The following AK5 variants were observed in gnomAD, a reference collection of about 807,000 sequenced individuals.
The protein encoded by AK5 is adenylate kinase 5, also known as adenylate kinase isoenzyme 5.
In AK5, 27 loss-of-function variants were observed where a neutral mutation model predicts 69.5. That is an observed-to-expected ratio of 0.39 (90% confidence interval 0.29 to 0.54). The LOEUF (loss-of-function observed/expected upper bound fraction) is 0.54, where lower values mean the gene tolerates loss of function less well. AK5 is among the 20% of genes least tolerant of loss of function. The pLI is 0.71. For missense variants in AK5, 531 were observed against 700.4 expected (o/e 0.76, Z 2.73); for synonymous variants, 260 against 244.4 (o/e 1.06, Z -0.60).
At chr1:77,491,488 G>A (rs1655998576) in intron 10 of AK5, among the ~76,000 whole-genome samples, 1 of 151,926 alleles carries the variant, frequency 6.6e-6, no homozygotes, top group Non-Finnish European at 1.5e-5. Context: ...TGTGTTTTTC[G>A]TAGAGACGGG....
intron 3 of AK5, 74 bp downstream of exon 3, chr1:77,294,034 A>G: frequency 7.3e-7 from 1 of 1,375,634 alleles, no homozygotes; most frequent in Non-Finnish European, 1.0e-6. Flanking sequence ...AAAAAAGTAA[A>G]TCATATATGT....
chr1:77,297,971 A>G (rs1454995607), intron 5 of AK5, 24 bp downstream of exon 5: 1 of 1,519,998 alleles, frequency 6.6e-7, no homozygotes, highest in East Asian at 2.3e-5. Flanking sequence ...CTTATATTTT[A>G]AATGAACTAC....
At chr1:77,335,323 C>T (rs186822122) in intron 5 of AK5, among the ~76,000 whole-genome samples, 1 of 149,348 alleles carries the variant, frequency 6.7e-6, no homozygotes, top group East Asian at 2.0e-4. Flanking sequence ...GCAGGAGAAA[C>T]AATATCAATA....
At chr1:77,389,164 T>C (rs2100520594) in intron 6 of AK5, among the ~76,000 whole-genome samples, 1 of 152,330 alleles carries the variant, frequency 6.6e-6, no homozygotes, top group Admixed American at 6.5e-5. Context: ...ATCCCAAGGC[T>C]GCCTTTCTGA....
intron 10 of AK5, among the ~76,000 whole-genome samples, chr1:77,506,252 G>T (rs1657018955): frequency 6.9e-6 from 1 of 144,394 alleles, no homozygotes; most frequent in African/African-American, 2.6e-5. Flanking sequence ...TGGTTGGTTG[G>T]TTGTTTTTTT....
At chr1:77,283,695 G>C (rs1658191426) in intron 1 of AK5, 1 of 836,752 alleles carries the variant, frequency 1.2e-6, no homozygotes. Context: ...TAATTAGGTG[G>C]TGTTGCATAA....
At chr1:77,406,154 G>A (rs1438112200) in intron 6 of AK5, among the ~76,000 whole-genome samples, 1 of 152,178 alleles carries the variant, frequency 6.6e-6, no homozygotes, top group East Asian at 1.9e-4. Context: ...GATGTGAAAA[G>A]CAGTGCATTG....
rs537914214 is a variant in AK5 at position 77,557,278 on chromosome 1, C to A, written c.1621-1324C>A. 1.0e-4 allele frequency: 21 copies of A among 203,672 alleles called. 1 individual carries two copies. The East Asian group carries it at 2.3e-3, about 22-fold the overall frequency. The allele number at this position is 203,672 out of a possible 1,614,324, so 12.6% of individuals were successfully genotyped here. On this transcript the variant is annotated intron_variant, in intron 13 of 13. Coordinates refer to ENST00000354567, the MANE Select transcript of AK5 (RefSeq NM_174858.3). ...CTCATGTCTCCTGACTGACCAAGGT[C>A]CACATTTGTCAAGGTCAAGAGTTGG...
intron 3 of AK5, 69 bp from the exon 4 acceptor site, chr1:77,297,487 AAGT>A (rs1335610036): frequency 7.2e-7 from 1 of 1,382,746 alleles, no homozygotes; most frequent in African/African-American, 1.5e-5. Flanking sequence ...ATCCCAGATG[AAGT>A]AGTAGTTGTA....
At chr1:77,440,127 G>C (rs1570130604) in intron 8 of AK5, among the ~76,000 whole-genome samples, 1 of 152,186 alleles carries the variant, frequency 6.6e-6, no homozygotes, top group Non-Finnish European at 1.5e-5. Flanking sequence ...TTGCTTCCAG[G>C]TGTAGGGCTC....
chr1:77,455,580 C>G (rs11800652), intron 8 of AK5, among the ~76,000 whole-genome samples: 2 of 152,288 alleles, frequency 1.3e-5, no homozygotes, highest in African/African-American at 4.8e-5. Context: ...TCTGCCAGAG[C>G]CTTGAACTTC....
intron 8 of AK5, among the ~76,000 whole-genome samples, chr1:77,456,314 C>T (rs1355936913): frequency 6.6e-6 from 1 of 152,232 alleles, no homozygotes; most frequent in Non-Finnish European, 1.5e-5. Context: ...AGTTTCTGAT[C>T]TCCCAGGAAA....
chr1:77,554,028 CATT>C (rs1266424996), intron 13 of AK5, among the ~76,000 whole-genome samples: 1 of 152,184 alleles, frequency 6.6e-6, no homozygotes, highest in African/African-American at 2.4e-5. Flanking sequence ...ACCTTGAAAA[CATT>C]ATGCCAAGAA....
intron 8 of AK5, among the ~76,000 whole-genome samples, chr1:77,418,633 G>T (rs1650587806): frequency 6.6e-6 from 1 of 152,106 alleles, no homozygotes; most frequent in African/African-American, 2.4e-5. Flanking sequence ...CCCTAATTAG[G>T]CTTTATTTTT....
Position 77,469,130 on chromosome 1 carries a change from C to CT in AK5, c.1060-14184dup, listed in dbSNP as rs138728819. Among the ~76,000 whole-genome samples, 839 of 152,252 alleles carry CT rather than the reference C, an allele frequency of 5.5e-3. 9 individuals are homozygous for CT. The highest frequency in any genetic ancestry group is 0.019 in the African/African-American group (804 of 41,534). ...ATCCATTTATTATTCCTCTTGGTTACTTTGGAGGGAGGGAGGGTTGGCTGA... is the reference window on the plus strand; with the variant it reads ...ATCCATTTATTATTCCTCTTGGTTACTTTTGGAGGGAGGGAGGGTTGGCTGA... On this transcript the variant is annotated intron_variant, in intron 8 of 13. Coordinates refer to ENST00000354567, the MANE Select transcript of AK5 (RefSeq NM_174858.3).
At chr1:77,448,704 C>T (rs909864145) in intron 8 of AK5, among the ~76,000 whole-genome samples, 2 of 152,236 alleles carry the variant, frequency 1.3e-5, no homozygotes, top group African/African-American at 4.8e-5. Context: ...CTTCACTCAC[C>T]ACATTGCAGA....
chr1:77,353,813 C>A (rs1662346157), intron 6 of AK5, among the ~76,000 whole-genome samples: 1 of 152,152 alleles, frequency 6.6e-6, no homozygotes, highest in South Asian at 2.1e-4. Context: ...CCCAACCTGG[C>A]AGGTGGGACA....
At chr1:77,294,491 T>C (rs922616556) in intron 3 of AK5, among the ~76,000 whole-genome samples, 3 of 152,086 alleles carry the variant, frequency 2.0e-5, no homozygotes, top group Admixed American at 6.6e-5. Context: ...CTATTAACTT[T>C]AGAGGGAAAA....
intron 6 of AK5, among the ~76,000 whole-genome samples, chr1:77,353,101 C>T (rs974855441): frequency 1.1e-4 from 16 of 152,126 alleles, no homozygotes; most frequent in African/African-American, 3.9e-4. Context: ...GAAGAACTAA[C>T]ATACTGTATC....
Sources: gnomAD v4.1 joint callset for allele counts (sites outside exome capture counted in the v4.1 genomes callset) on GRCh38, gnomAD v4.1.1 for gene constraint, MANE v1.5 for transcripts, NCBI Gene and HGNC (gene_info 2026-07-23, HGNC 2026-07-21) for gene names.